Variants in SNAPC4 observed in about 807,000 individuals in gnomAD.
SNAPC4 encodes the protein small nuclear RNA activating complex polypeptide 4.
In SNAPC4, 127 loss-of-function variants were observed where a neutral mutation model predicts 151.3. The observed-to-expected ratio is 0.84, with a 90% CI of 0.73 to 0.97. SNAPC4 has a LOEUF of 0.97. SNAPC4 is among the 50% of genes least tolerant of loss of function. The pLI, the probability that SNAPC4 is intolerant of heterozygous loss-of-function variation, is 0.00. For synonymous variants in SNAPC4, 1,002 were observed against 824.4 expected (o/e 1.22, Z -3.69); for missense variants, 2,186 against 1,935.0 (o/e 1.13, Z -2.43).
At chr9:136,387,421 A>G in intron 13 of SNAPC4, 64 bp downstream of exon 13, 2 of 1,153,640 alleles carry the variant, frequency 1.7e-6, no homozygotes, top group Non-Finnish European at 2.6e-6. Context: ...CACAGCCCAC[A>G]CCAGAGTGCA....
intron 10 of SNAPC4, among the ~76,000 whole-genome samples, chr9:136,389,287 G>A (rs930226391): frequency 2.6e-5 from 4 of 152,192 alleles, no homozygotes; most frequent in South Asian, 2.1e-4. Flanking sequence ...AGGGCACACA[G>A]GGCTAGATAT....
Position 136,377,709 on chromosome 9 carries a change from G to A in SNAPC4, c.4118C>T (p.Thr1373Ile). The A allele has an allele frequency of 1.9e-6, 3 of 1,609,230 alleles. No individual in the cohort carries two copies. The highest frequency in any genetic ancestry group is 2.5e-6 in the Non-Finnish European group (3 of 1,177,582). Residue 1373 changes from threonine to isoleucine, a missense_variant, in exon 22 of 24, where the codon ACC (threonine) becomes ATC (isoleucine). Physicochemically the swap from Thr to Ile is moderately conservative, Grantham distance 89. Transcript: ENST00000684778. ...CAGGGTGGCCAGGAGCGCAGGGAGG[G>A]TGAAGGCTGCCAGGAACCGCGCCCG... The part of the protein sequence containing the change: ...LLRARFLAAF[T>I]LPALLATLAP...
Position 136,383,236 on chromosome 9 carries a change from A to G in SNAPC4, c.1933T>C (p.Ser645Pro), listed in dbSNP as rs1023261847. 1 of 1,579,254 alleles carries G rather than the reference A, an allele frequency of 6.3e-7. No individual in the cohort carries two copies. Among genetic ancestry groups the G allele is most frequent in the African/African-American group, 1.4e-5 (1 of 73,366 alleles). Residue 645 changes from serine to proline, a missense_variant, in exon 16 of 24, where the codon TCC becomes CCC. Ser to Pro is a moderately conservative substitution (Grantham distance 74). Coordinates refer to ENST00000684778, the MANE Select transcript of SNAPC4 (RefSeq NM_003086.4). The surrounding 1 kb of genome is among the most constrained non-coding windows in gnomAD (Gnocchi z 4.2). ...HGPVPRSAQASHSADTRPAGA... is the reference protein window; with the variant it reads ...HGPVPRSAQAPHSADTRPAGA... ...GCCGGGCGAGTGTCTGCTGAGTGGG[A>G]GGCCTGGGCAGACCTCGGGACAGGG...
Position 136,383,894 on chromosome 9 carries a change from A to AC in SNAPC4, c.1500+58dup. The AC allele has an allele frequency of 1.6e-6, 2 of 1,233,132 alleles. No homozygotes were observed. The highest frequency in any genetic ancestry group is 1.7e-5 in the Admixed American group (1 of 58,090). The allele number at this position is 1,233,132 out of a possible 1,614,324, so 76.4% of individuals were successfully genotyped here. A position where few individuals can be genotyped will look rare whatever the true frequency, so the allele number is the denominator to read the frequency against. On this transcript the variant is annotated intron_variant, in intron 15 of 23. Coordinates refer to ENST00000684778, the MANE Select transcript of SNAPC4 (RefSeq NM_003086.4). The surrounding 1 kb of genome is among the most constrained non-coding windows in gnomAD (Gnocchi z 4.2). ...CCCCTCCCCTCCTCCTGCCTGCTGG[A>AC]CCCCCCAGTTGACCAGGCCATTGTC... is the stretch of plus-strand genomic sequence containing the variant.
intron 14 of SNAPC4, among the ~76,000 whole-genome samples, chr9:136,384,427 C>T (rs779025829): frequency 6.6e-6 from 1 of 152,192 alleles, no homozygotes; most frequent in Non-Finnish European, 1.5e-5. Context: ...TTGAACGTGG[C>T]AATACCACAG....
Position 136,391,799 on chromosome 9 carries a change from G to C in SNAPC4, c.975+143C>G, listed in dbSNP as rs986097738. The C allele has an allele frequency of 3.7e-5, 33 of 885,576 alleles. No homozygotes were observed. The African/African-American group carries it at 5.6e-4, about 15-fold the overall frequency. 54.9% of individuals were successfully genotyped at this position (885,576 alleles called of 1,614,324 possible). On this transcript the variant is annotated intron_variant, in intron 10 of 23. Coordinates refer to ENST00000684778, the MANE Select transcript of SNAPC4 (RefSeq NM_003086.4). Reference sequence around the variant, plus strand: ...GAGGGCTGGGCAGGCTCCTTCCCTAGGGCCACAGCCTGGAGGTGGCAACAC... The same window carrying C: ...GAGGGCTGGGCAGGCTCCTTCCCTACGGCCACAGCCTGGAGGTGGCAACAC...
chr9:136,383,507 C>T lies in SNAPC4; in HGVS notation c.1662G>A (p.Glu554=), dbSNP rs1196007682. Residue 554 remains glutamate (E), a synonymous_variant, in exon 16 of 24, where the codon GAG becomes GAA. Transcript: ENST00000684778. This position sits in a 1 kb window ranked among gnomAD's most constrained non-coding sequence, Gnocchi z 4.2. ...GTGGGGACAGCAGCGCTCTGTCACCCTCCCCGGCCTGCGCCTGCTCTGGCT... is the reference window on the plus strand; with the variant it reads ...GTGGGGACAGCAGCGCTCTGTCACCTTCCCCGGCCTGCGCCTGCTCTGGCT... The part of the protein sequence containing the change: ...EDEPEQAQAG[E]GDRALLSPQY... 2.5e-6 allele frequency: 4 copies of T among 1,579,380 alleles called. No individual in the cohort carries two copies. Among genetic ancestry groups the T allele is most frequent in the Non-Finnish European group, 3.4e-6 (4 of 1,163,190 alleles).
intron 9 of SNAPC4, 125 bp from the exon 10 acceptor site, chr9:136,392,231 T>G: frequency 8.2e-7 from 1 of 1,219,318 alleles, no homozygotes; most frequent in Non-Finnish European, 1.2e-6. Context: ...AAGCGCAATC[T>G]TCGTCCAACT....
Position 136,383,059 on chromosome 9 carries a change from CAGAA to C in SNAPC4, c.1983+123_1983+126del. The stretch of plus-strand genomic sequence containing the variant: ...GACGCACAGCTGTCCAGAGCTCAGC[CAGAA>C]GTAGCACGTTCTGATGCACACGAAC... On this transcript the variant is annotated intron_variant, in intron 16 of 23. Transcript: ENST00000684778. The surrounding 1 kb of genome is among the most constrained non-coding windows in gnomAD (Gnocchi z 4.2). The C allele has an allele frequency of 2.1e-6, 3 of 1,396,404 alleles. No homozygotes were observed. Among genetic ancestry groups the C allele is most frequent in the Non-Finnish European group, 2.8e-6 (3 of 1,067,762 alleles). 86.5% of individuals were successfully genotyped at this position (1,396,404 alleles called of 1,614,324 possible).
Position 136,392,714 on chromosome 9 carries a change from C to T in SNAPC4, c.696G>A (p.Glu232=), listed in dbSNP as rs144793511. ...CCTTCTCGGCTTCCCTGCCCTGCTTCTCCAGGGCTTGCCTCTCCAGCTCAC... is the reference window on the plus strand; with the variant it reads ...CCTTCTCGGCTTCCCTGCCCTGCTTTTCCAGGGCTTGCCTCTCCAGCTCAC... The part of the protein sequence containing the change: ...VSSELERQAL[E]KQGREAEKEI... The change falls in exon 8 of 24, where the codon GAG becomes GAA. Residue 232 remains glutamate (E), a synonymous_variant. Coordinates refer to ENST00000684778, the MANE Select transcript of SNAPC4 (RefSeq NM_003086.4). The T allele has an allele frequency of 5.0e-6, 8 of 1,613,654 alleles. No homozygotes were observed. The African/African-American group carries it at 8.0e-5, about 16-fold the overall frequency.
intron 1 of SNAPC4, among the ~76,000 whole-genome samples, chr9:136,399,532 G>A (rs995511104): frequency 2.0e-5 from 3 of 152,080 alleles, no homozygotes; most frequent in Non-Finnish European, 4.4e-5. Context: ...ATGATCAGCA[G>A]GAAGGAGGTC....
rs776302155 is a variant in SNAPC4 at position 136,379,236 on chromosome 9, C to T, written c.2591G>A (p.Arg864Gln). Reference sequence around the variant, plus strand: ...CTCCACCCGGCTGGACGCCAGTCTTCGGCTCCCTTTGTGGCTGGCACTCTT... The same window carrying T: ...CTCCACCCGGCTGGACGCCAGTCTTTGGCTCCCTTTGTGGCTGGCACTCTT... Reference protein sequence around the residue: ...ASKSASHKGSRRLASSRVERT... With the variant: ...ASKSASHKGSQRLASSRVERT... The change falls in exon 22 of 24, where the codon CGA becomes CAA. Residue 864 changes from arginine to glutamine, a missense_variant. Coordinates refer to ENST00000684778, the MANE Select transcript of SNAPC4 (RefSeq NM_003086.4). 32 of 1,612,398 alleles carry T rather than the reference C, an allele frequency of 2.0e-5. No homozygotes were observed. In the East Asian group the frequency reaches 3.1e-4, roughly 16 times the overall value.
At chr9:136,392,475 G>C (rs1020330281) in intron 9 of SNAPC4, 47 bp downstream of exon 9, 1 of 1,579,456 alleles carries the variant, frequency 6.3e-7, no homozygotes, top group Non-Finnish European at 8.7e-7. Flanking sequence ...GGGCTACAGG[G>C]AGCTGTGCTC....
intron 2 of SNAPC4, among the ~76,000 whole-genome samples, chr9:136,397,374 C>T (rs1227703089): frequency 6.6e-6 from 1 of 151,464 alleles, no homozygotes; most frequent in East Asian, 2.0e-4. Flanking sequence ...AGATGGGAGG[C>T]ACGGATGTAG....
rs761680574 is a variant in SNAPC4, at chr9:136,379,285, T to G, written c.2542A>C (p.Asn848His). 1 of 1,612,604 alleles carries G rather than the reference T, an allele frequency of 6.2e-7. No individual in the cohort carries two copies. Among genetic ancestry groups the G allele is most frequent in the Non-Finnish European group, 8.5e-7 (1 of 1,179,942 alleles). Residue 848 changes from asparagine to histidine, a missense_variant, in exon 22 of 24, where the codon AAC becomes CAC. Physicochemically the swap from Asn to His is moderately conservative, Grantham distance 68 (BLOSUM62 1). Transcript: ENST00000684778. ...AQSTPGHLFPNVPAQEASKSA... is the reference protein window; with the variant it reads ...AQSTPGHLFPHVPAQEASKSA... ...TTTGAGGCTTCTTGAGCCGGCACGT[T>G]TGGGAAGAGGTGGCCTGTGGGGAGG...
At chr9:136,379,345 C>T (rs368794117) in intron 21 of SNAPC4, 46 bp from the exon 22 acceptor site, 15 of 1,607,426 alleles carry the variant, frequency 9.3e-6, no homozygotes, top group Middle Eastern at 1.8e-4. Flanking sequence ...AGGCATCTGG[C>T]CCAGGGACAG....
At chr9:136,386,118 T>C (rs1180068434) in intron 13 of SNAPC4, among the ~76,000 whole-genome samples, 2 of 151,942 alleles carry the variant, frequency 1.3e-5, no homozygotes, top group Non-Finnish European at 2.9e-5. Flanking sequence ...AAGGTTTCAA[T>C]TTCTCGACAT....
At chr9:136,388,349 T>C in intron 11 of SNAPC4, 95 bp downstream of exon 11, 1 of 1,320,022 alleles carries the variant, frequency 7.6e-7, no homozygotes. Context: ...CTCGTCTGTC[T>C]TGTTGCTTCT....
chr9:136,377,606 A>G lies in SNAPC4; in HGVS notation c.4221T>C (p.Ser1407=), dbSNP rs10781507. The G allele has an allele frequency of 0.41, 632,463 of 1,543,320 alleles. 132,097 individuals carry two copies. The highest frequency in any genetic ancestry group is 0.52 in the Admixed American group (25,948 of 50,182). ...GSESEDEDLL[S]ELELADRDGQ... is the part of the protein sequence containing the mutation. ...CGTCCCTGTCTGCAAGTTCCAGCTCACTCAGGAGGTCTTCATCCTCACTCT... is the reference window on the plus strand; with the variant it reads ...CGTCCCTGTCTGCAAGTTCCAGCTCGCTCAGGAGGTCTTCATCCTCACTCT... Residue 1407 remains serine (S), a synonymous_variant, in exon 22 of 24, where the codon AGT becomes AGC. Transcript: ENST00000684778.
Sources: allele counts gnomAD v4.1 joint callset (sites outside exome capture counted in the v4.1 genomes callset), GRCh38; gene constraint gnomAD v4.1.1; non-coding constraint Gnocchi (gnomAD v3.1); transcripts MANE v1.5; gene names NCBI Gene and HGNC (gene_info 2026-07-23, HGNC 2026-07-21).